AKR1C3: variants seen among roughly 807,000 people sequenced by gnomAD.
AKR1C3 encodes the protein 3-alpha hydroxysteroid dehydrogenase, type II.
In AKR1C3, 48 loss-of-function variants were observed where a neutral mutation model predicts 43.6. The ratio of observed to expected loss-of-function variants is 1.10; its 90% CI spans 0.87 to 1.40. The LOEUF (loss-of-function observed/expected upper bound fraction) is 1.40, where lower values mean the gene tolerates loss of function less well. AKR1C3 is among the 40% of genes most tolerant of loss of function. The probability of loss-of-function intolerance (pLI) is 0.00; values close to 1 mark genes in which losing one functional copy is unlikely to be tolerated. For synonymous variants in AKR1C3, 162 were observed against 139.6 expected, an observed-to-expected ratio of 1.16 and a Z score of -1.13; for missense variants, 482 against 391.2, an observed-to-expected ratio of 1.23 and a Z score of -1.96.
chr10:5,069,127 AG>A (rs1554781086), intron 1 of AKR1C3, among the ~76,000 whole-genome samples: 1 of 152,216 alleles, frequency 6.6e-6, no homozygotes, highest in Non-Finnish European at 1.5e-5. Flanking sequence ...ACTTTACAGA[AG>A]GGACAAATGG....
intron 2 of AKR1C3, among the ~76,000 whole-genome samples, chr10:5,096,882 G>A (rs189427032): frequency 2.9e-4 from 44 of 152,038 alleles, no homozygotes; most frequent in Admixed American, 7.2e-4. Context: ...TTTTCTTATC[G>A]CCTGGGTGAT....
At position 5,102,526 on chromosome 10, in the gene AKR1C3, T is replaced by C. The variant is rs1261831065; in HGVS notation, c.722T>C (p.Leu241Pro). The C allele has an allele frequency of 6.3e-7, 1 of 1,575,528 alleles. No individual in the cohort carries two copies. Among genetic ancestry groups the C allele is most frequent in the African/African-American group, 1.4e-5 (1 of 73,650 alleles). The change falls in exon 7 of 9, where the codon CTT becomes CCT. Residue 241 changes from leucine (L) to proline (P), a missense_variant. Coordinates refer to ENST00000380554, the MANE Select transcript of AKR1C3 (RefSeq NM_003739.6). Reference protein sequence around the residue: ...NSPVLLEDPVLCALAKKHKRT... With the variant: ...NSPVLLEDPVPCALAKKHKRT... Reference sequence around the variant, plus strand: ...CCGGTGCTCTTGGAGGACCCAGTCCTTTGTGCCTTGGCAAAAAAGCACAAG... The same window carrying C: ...CCGGTGCTCTTGGAGGACCCAGTCCCTTGTGCCTTGGCAAAAAAGCACAAG...
intron 1 of AKR1C3, among the ~76,000 whole-genome samples, chr10:5,059,071 T>C (rs1162176485): frequency 6.6e-6 from 1 of 152,140 alleles, no homozygotes; most frequent in African/African-American, 2.4e-5. Flanking sequence ...TTTCTGAGGC[T>C]CCCCACATCC....
intron 1 of AKR1C3, among the ~76,000 whole-genome samples, chr10:5,053,983 C>T (rs1838209675): frequency 6.6e-6 from 1 of 152,166 alleles, no homozygotes; most frequent in Admixed American, 6.5e-5. Flanking sequence ...TGCCACGGGA[C>T]CTAGAAAGGG....
At chr10:5,077,099 TTC>T (rs1491419641) in intron 1 of AKR1C3, among the ~76,000 whole-genome samples, 1 of 152,146 alleles carries the variant, frequency 6.6e-6, no homozygotes, top group Non-Finnish European at 1.5e-5. Context: ...ATCTTTTTTT[TTC>T]ACTAAAGAAC....
chr10:5,089,411 C>T (rs893978511), intron 1 of AKR1C3, among the ~76,000 whole-genome samples: 3 of 151,880 alleles, frequency 2.0e-5, no homozygotes, highest in African/African-American at 7.3e-5. Flanking sequence ...TTATATAATC[C>T]CATATTTCTC....
chr10:5,081,109 T>C (rs569313160), intron 1 of AKR1C3, among the ~76,000 whole-genome samples: 18 of 152,290 alleles, frequency 1.2e-4, no homozygotes, highest in African/African-American at 4.1e-4. Context: ...AGTGGATCTG[T>C]TGGAATGCAG....
At chr10:5,059,425 C>T (rs1838332235) in intron 1 of AKR1C3, among the ~76,000 whole-genome samples, 1 of 152,188 alleles carries the variant, frequency 6.6e-6, no homozygotes, top group Non-Finnish European at 1.5e-5. Flanking sequence ...GAGAGTTCCA[C>T]TCATGGCTGC....
At chr10:5,085,364 A>G (rs1267801487) in intron 1 of AKR1C3, among the ~76,000 whole-genome samples, 22 of 152,060 alleles carry the variant, frequency 1.4e-4, no homozygotes, top group African/African-American at 5.3e-4. Flanking sequence ...TTCTGTTTAT[A>G]TGCTGGATTA....
chr10:5,083,534 A>G (rs2131820533), intron 1 of AKR1C3, among the ~76,000 whole-genome samples: 1 of 152,162 alleles, frequency 6.6e-6, no homozygotes, highest in African/African-American at 2.4e-5. Context: ...GCCGCTATAA[A>G]CATACGTGTG....
chr10:5,100,816 A>T (rs1839330687), intron 5 of AKR1C3, among the ~76,000 whole-genome samples: 1 of 151,806 alleles, frequency 6.6e-6, no homozygotes, highest in Admixed American at 6.5e-5. Flanking sequence ...TTTGATAAAA[A>T]TAATACACGA....
chr10:5,075,927 TA>T (rs1207950692), intron 1 of AKR1C3, among the ~76,000 whole-genome samples: 2 of 149,552 alleles, frequency 1.3e-5, no homozygotes, highest in African/African-American at 4.9e-5. Flanking sequence ...GATGTATTAC[TA>T]GGGGGGCTCT....
intron 1 of AKR1C3, 45 bp downstream of exon 1, chr10:5,094,573 C>A (rs782283631): frequency 6.3e-7 from 1 of 1,599,314 alleles, no homozygotes; most frequent in Non-Finnish European, 8.6e-7. Flanking sequence ...AAGAATAAAC[C>A]TAGTAGAAGT....
At chr10:5,077,498 T>C (rs1236586993) in intron 1 of AKR1C3, 1 of 179,926 alleles carries the variant, frequency 5.6e-6, no homozygotes, top group Non-Finnish European at 1.1e-5. Flanking sequence ...AGCTAAGTAC[T>C]TTATTCTTAA....
intron 1 of AKR1C3, among the ~76,000 whole-genome samples, chr10:5,065,844 A>G (rs1838489809): frequency 6.6e-6 from 1 of 152,112 alleles, no homozygotes; most frequent in African/African-American, 2.4e-5. Flanking sequence ...CCCCACTGAG[A>G]GATGTGATCT....
intron 1 of AKR1C3, chr10:5,081,863 G>C (rs1364175226): frequency 6.6e-6 from 1 of 152,150 alleles, no homozygotes; most frequent in South Asian, 2.1e-4. Context: ...GCCCCATGGG[G>C]AAGAGGACAG....
chr10:5,090,827 G>A (rs1379018578), upstream of AKR1C3, among the ~76,000 whole-genome samples: 1 of 152,130 alleles, frequency 6.6e-6, no homozygotes, highest in Admixed American at 6.6e-5. Context: ...GAGTGGTGAT[G>A]AAATTACAAG....
chr10:5,063,764 G>GAAAAAAAA (rs1406943359), intron 1 of AKR1C3, among the ~76,000 whole-genome samples: 1,748 of 33,248 alleles, frequency 0.053, 173 homozygotes, highest in East Asian at 0.22. Context: ...CTCTGTCTCA[G>GAAAAAAAA]CAAAAAAAAA....
chr10:5,102,313 G>C, intron 6 of AKR1C3, 103 bp downstream of exon 6: 2 of 1,583,654 alleles, frequency 1.3e-6, no homozygotes, highest in East Asian at 2.2e-5. Flanking sequence ...GTGGCTCATG[G>C]AGAGGAAAGA....
Sources: gnomAD v4.1 joint callset for allele counts (sites outside exome capture counted in the v4.1 genomes callset) on GRCh38, gnomAD v4.1.1 for gene constraint, MANE v1.5 for transcripts, NCBI Gene and HGNC (gene_info 2026-07-23, HGNC 2026-07-21) for gene names.